The following TUSC3 variants were observed in gnomAD, a reference collection of about 807,000 sequenced individuals.
TUSC3 encodes the protein tumor suppressor candidate 3.
Under a neutral mutation model 44.8 loss-of-function variants are expected in TUSC3, and 45 were observed. The observed-to-expected ratio is 1.00, with a 90% CI of 0.79 to 1.29. The LOEUF (loss-of-function observed/expected upper bound fraction) is 1.29, where lower values mean the gene tolerates loss of function less well. Ranked by LOEUF, TUSC3 falls within the 50% of genes most tolerant of loss-of-function variation. TUSC3 has a pLI of 0.00. For missense variants in TUSC3, 519 were observed against 437.9 expected (o/e 1.19, Z -1.65); for synonymous variants, 212 against 152.9 (o/e 1.39, Z -2.85).
intron 6 of TUSC3, among the ~76,000 whole-genome samples, chr8:15,729,474 A>G (rs991285556): frequency 5.3e-5 from 8 of 152,304 alleles, no homozygotes; most frequent in African/African-American, 1.7e-4. Context: ...GTGATTGTCA[A>G]TCAACAGTGG....
At chr8:15,672,135 G>A (rs1563165048) in intron 5 of TUSC3, among the ~76,000 whole-genome samples, 1 of 152,006 alleles carries the variant, frequency 6.6e-6, no homozygotes, top group Non-Finnish European at 1.5e-5. Context: ...AAGAAGAGTG[G>A]CCTGAATGGA....
intron 1 of TUSC3, among the ~76,000 whole-genome samples, chr8:15,591,044 A>G (rs1246306903): frequency 6.6e-6 from 1 of 152,158 alleles, no homozygotes; most frequent in Non-Finnish European, 1.5e-5. Flanking sequence ...TCTTTAAAGT[A>G]CTTTTAAGAA....
the TUSC3 span, among the ~76,000 whole-genome samples, chr8:15,848,957 A>C: frequency 6.6e-6 from 1 of 152,180 alleles, no homozygotes; most frequent in Non-Finnish European, 1.5e-5. Context: ...CTTTACCTCA[A>C]TGGAAAACTT....
At chr8:15,440,854 C>G (rs894256778) in intron 1 of TUSC3, among the ~76,000 whole-genome samples, 3 of 152,104 alleles carry the variant, frequency 2.0e-5, no homozygotes, top group Non-Finnish European at 4.4e-5. Context: ...GTTGGAGATG[C>G]TAGCAACTGC....
chr8:15,596,910 G>A (rs926509612), intron 1 of TUSC3, among the ~76,000 whole-genome samples: 1 of 152,056 alleles, frequency 6.6e-6, no homozygotes, highest in Non-Finnish European at 1.5e-5. Flanking sequence ...ATAGTTGACT[G>A]CAGGCTGTGA....
At chr8:15,613,488 CT>C (rs1309704087) in intron 1 of TUSC3, among the ~76,000 whole-genome samples, 1 of 152,212 alleles carries the variant, frequency 6.6e-6, no homozygotes, top group African/African-American at 2.4e-5. Context: ...AACATCAAGT[CT>C]CATGAGATGT....
chr8:15,596,814 C>G (rs1431792744), intron 1 of TUSC3, among the ~76,000 whole-genome samples: 4 of 151,888 alleles, frequency 2.6e-5, no homozygotes, highest in Admixed American at 1.3e-4. Context: ...TCTTTTTCTC[C>G]CTTCCCTAAA....
chr8:15,741,210 A>G (rs2129213318), intron 7 of TUSC3, among the ~76,000 whole-genome samples: 1 of 152,272 alleles, frequency 6.6e-6, no homozygotes, highest in African/African-American at 2.4e-5. Flanking sequence ...ATACTAATAT[A>G]TTGCTTTACT....
chr8:15,444,670 G>A (rs1800067444), intron 1 of TUSC3, among the ~76,000 whole-genome samples: 1 of 152,178 alleles, frequency 6.6e-6, no homozygotes, highest in Non-Finnish European at 1.5e-5. Context: ...GTGTACAGCA[G>A]AGGCTGACTA....
At chr8:15,543,148 T>C (rs1325229124) in intron 1 of TUSC3, among the ~76,000 whole-genome samples, 1 of 152,214 alleles carries the variant, frequency 6.6e-6, no homozygotes, top group Non-Finnish European at 1.5e-5. Flanking sequence ...TCTTTCTGTC[T>C]AGCTGACTTT....
intron 2 of TUSC3, among the ~76,000 whole-genome samples, chr8:15,530,398 G>A (rs1465623896): frequency 6.6e-6 from 1 of 152,092 alleles, no homozygotes; most frequent in African/African-American, 2.4e-5. Context: ...TATCATAATG[G>A]GAGTTAATAT....
chr8:15,623,368 CTG>C (rs1016360995), intron 2 of TUSC3, 119 bp downstream of exon 2: 535 of 1,044,706 alleles, frequency 5.1e-4, no homozygotes, highest in East Asian at 1.4e-3. Context: ...TCAAATATAA[CTG>C]TGCATTTAAA....
chr8:15,586,172 C>G (rs1299265226), intron 1 of TUSC3, among the ~76,000 whole-genome samples: 14 of 152,084 alleles, frequency 9.2e-5, no homozygotes. Context: ...GTTAAAAGGT[C>G]ATTTTTAGTT....
intron 1 of TUSC3, among the ~76,000 whole-genome samples, chr8:15,441,830 A>G (rs1482273958): frequency 1.3e-5 from 2 of 152,138 alleles, no homozygotes. Flanking sequence ...GAGCTTTTTG[A>G]TTATGCTTCT....
the TUSC3 span, among the ~76,000 whole-genome samples, chr8:15,801,635 C>T: frequency 6.6e-6 from 1 of 151,992 alleles, no homozygotes; most frequent in African/African-American, 2.4e-5. Flanking sequence ...GCAACTTGAT[C>T]AAAAACCCAG....
chr8:15,607,887 T>G (rs971746052), intron 1 of TUSC3, among the ~76,000 whole-genome samples: 1 of 152,178 alleles, frequency 6.6e-6, no homozygotes, highest in Non-Finnish European at 1.5e-5. Context: ...AGCAAATATT[T>G]GATAAATTAC....
At chr8:15,462,383 C>T (rs1191723887) in intron 1 of TUSC3, among the ~76,000 whole-genome samples, 1 of 151,960 alleles carries the variant, frequency 6.6e-6, no homozygotes, top group African/African-American at 2.4e-5. Context: ...AGAATATATA[C>T]AAATGGCCAA....
intron 6 of TUSC3, among the ~76,000 whole-genome samples, chr8:15,693,441 CTTTTTT>C (rs35915071): frequency 7.5e-4 from 73 of 96,902 alleles, no homozygotes; most frequent in Middle Eastern, 0.012. Flanking sequence ...GTTGGAAGTT[CTTTTTT>C]TTTTTTTTTT....
intron 2 of TUSC3, among the ~76,000 whole-genome samples, chr8:15,627,863 A>T (rs1479633176): frequency 1.3e-5 from 2 of 152,204 alleles, no homozygotes; most frequent in African/African-American, 2.4e-5. Flanking sequence ...CAGGCATGGG[A>T]TCCTGGCCGG....
Sources: allele counts gnomAD v4.1 joint callset (sites outside exome capture counted in the v4.1 genomes callset), GRCh38; gene constraint gnomAD v4.1.1; transcripts MANE v1.5; gene names NCBI Gene and HGNC (gene_info 2026-07-23, HGNC 2026-07-21).